The following JAKMIP3 variants were observed in gnomAD, a reference collection of about 807,000 sequenced individuals.
JAKMIP3 encodes the protein janus kinase and microtubule-interacting protein 3.
In JAKMIP3, 58 loss-of-function variants were observed where a neutral mutation model predicts 118.5. The observed-to-expected ratio is 0.49, with a 90% CI of 0.40 to 0.61. The LOEUF (loss-of-function observed/expected upper bound fraction) is 0.61, where lower values mean the gene tolerates loss of function less well. Ranked by LOEUF, JAKMIP3 falls within the 20% of genes least tolerant of loss-of-function variation. The pLI, the probability that JAKMIP3 is intolerant of heterozygous loss-of-function variation, is 0.00. For missense variants in JAKMIP3, 950 were observed against 1,109.0 expected, an observed-to-expected ratio of 0.86 and a Z score of 2.04; for synonymous variants, 486 against 451.2, an observed-to-expected ratio of 1.08 and a Z score of -0.98.
chr10:132,175,786 C>T (rs1249318694), intron 23 of JAKMIP3, among the ~76,000 whole-genome samples: 1 of 152,182 alleles, frequency 6.6e-6, no homozygotes, highest in African/African-American at 2.4e-5. Flanking sequence ...AGGATGTATC[C>T]ACAGTTCATG....
chr10:132,049,376 A>G lies in JAKMIP3; in HGVS notation c.-138+12638A>G, dbSNP rs904091775. Among the ~76,000 whole-genome samples the G allele has an allele frequency of 4.1e-4, 62 of 151,498 alleles. No individual in the cohort carries two copies. The highest frequency in any genetic ancestry group is 1.5e-3 in the African/African-American group (60 of 41,184). On this transcript the variant is annotated intron_variant, in intron 1 of 23. Coordinates refer to the JAKMIP3 transcript ENST00000657785. This position sits in a 1 kb window ranked among gnomAD's most constrained non-coding sequence, Gnocchi z 4.3. ...TTGCTGACCTGTTACTTTTCTCTTT[A>G]TGTCATTTTATTTTCTTGTTTCTCC...
rs1290985957 is a variant in JAKMIP3, at chr10:132,044,250, G to A, written c.-138+7512G>A. ...CCCTTAGCAAACATTTCCTAGACAC[G>A]TCTCCTGGTCCAGGCATCGTGGACC... On this transcript the variant is annotated intron_variant, in intron 1 of 23. Transcript: ENST00000657785. This position sits in a 1 kb window ranked among gnomAD's most constrained non-coding sequence, Gnocchi z 5.3. 6.6e-6 allele frequency among the ~76,000 whole-genome samples: 1 copy of A among 152,298 alleles called. No individual in the cohort carries two copies. The highest frequency in any genetic ancestry group is 1.9e-4 in the East Asian group (1 of 5,172).
chr10:132,124,414 C>T lies in JAKMIP3; in HGVS notation c.633+6840C>T, dbSNP rs1286186968. ...CGGCCACACCGCACACATCCATTGC[C>T]ATGCAGTCACCTGTCCCACCCTGGC... On this transcript the variant is annotated intron_variant, in intron 3 of 23. Coordinates refer to ENST00000684848, the MANE Select transcript of JAKMIP3 (RefSeq NM_001323087.2). Among the ~76,000 whole-genome samples, 20 of 151,148 alleles carry T rather than the reference C, an allele frequency of 1.3e-4. 2 individuals are homozygous for T. Among genetic ancestry groups the T allele is most frequent in the Admixed American group, 1.3e-3 (20 of 15,136 alleles).
intron 23 of JAKMIP3, among the ~76,000 whole-genome samples, chr10:132,169,655 G>A (rs1166445647): frequency 6.6e-6 from 1 of 151,864 alleles, no homozygotes; most frequent in African/African-American, 2.4e-5. Context: ...CGCCCAGGGA[G>A]CGCTCCATCT....
rs1306554243 is a variant in JAKMIP3 at position 132,112,823 on chromosome 10, C to T, written c.136-4254C>T. On this transcript the variant is annotated intron_variant, in intron 2 of 23. Coordinates refer to ENST00000684848, the MANE Select transcript of JAKMIP3 (RefSeq NM_001323087.2). The surrounding 1 kb of genome is among the most constrained non-coding windows in gnomAD (Gnocchi z 4.3). ...TGGACGCATCTGACTCTCCAGCCGC[C>T]GCTTCTTGGTCAGCCTGCCTCTGCC... is the stretch of plus-strand genomic sequence containing the variant. Among the ~76,000 whole-genome samples the T allele has an allele frequency of 6.6e-6, 1 of 152,176 alleles. No homozygotes were observed. The highest frequency in any genetic ancestry group is 1.5e-5 in the Non-Finnish European group (1 of 68,040).
In JAKMIP3 at chr10:132,049,642, G is replaced by A. The variant is rs1429684596; in HGVS notation, c.-138+12904G>A. Among the ~76,000 whole-genome samples, 1 of 151,870 alleles carries A rather than the reference G, an allele frequency of 6.6e-6. No individual in the cohort carries two copies. Among genetic ancestry groups the A allele is most frequent in the African/African-American group, 2.4e-5 (1 of 41,336 alleles). ...CTGTTTGGATGTACAGGTTTCTTCT[G>A]CCTTGTGTTTTTTCTTTTTTAAAAG... On this transcript the variant is annotated intron_variant, in intron 1 of 23. Coordinates refer to the JAKMIP3 transcript ENST00000657785. The surrounding 1 kb of genome is among the most constrained non-coding windows in gnomAD (Gnocchi z 4.3).
At chr10:132,064,087 C>T (rs1488463423), upstream of JAKMIP3, among the ~76,000 whole-genome samples, 1 of 152,106 alleles carries the variant, frequency 6.6e-6, no homozygotes, top group African/African-American at 2.4e-5. This position sits in a 1 kb window ranked among gnomAD's most constrained non-coding sequence, Gnocchi z 4.4. Context: ...TTTTAAATGG[C>T]CCCATTGTAT....
chr10:132,180,698 T>TGTGCGCGC lies in JAKMIP3; in HGVS notation c.*1104-1656_*1104-1655insCGCGCGTG, dbSNP rs1554963250. 2.6e-4 allele frequency among the ~76,000 whole-genome samples: 4 copies of TGTGCGCGC among 15,414 alleles called. No homozygotes were observed. In the South Asian group the frequency reaches 8.2e-3, roughly 32 times the overall value. 10.1% of individuals were successfully genotyped at this position (15,414 alleles called of 152,430 possible). On this transcript the variant is annotated intron_variant, in intron 23 of 23. Transcript: ENST00000684848. ...GTGCGCGCGCGTGTGTGTGCGTGCGTGTGTGTGTGCGCGTGTGTGTGCGTG... is the reference window on the plus strand; with the variant it reads ...GTGCGCGCGCGTGTGTGTGCGTGCGTGTGCGCGCGTGTGTGTGCGCGTGTGTGTGCGTG...
At chr10:132,138,001 C>G (rs1236689291) in intron 8 of JAKMIP3, 118 bp from the exon 9 acceptor site, 2 of 956,386 alleles carry the variant, frequency 2.1e-6, no homozygotes, top group African/African-American at 3.2e-5. Context: ...TGGGGACAAG[C>G]CAGCCCAGAC....
intron 1 of JAKMIP3, among the ~76,000 whole-genome samples, chr10:132,046,602 A>G (rs1183613265): frequency 1.3e-5 from 2 of 152,160 alleles, no homozygotes; most frequent in Non-Finnish European, 2.9e-5. Flanking sequence ...CGCATCCGCC[A>G]CGGCTTATTT....
intron 23 of JAKMIP3, among the ~76,000 whole-genome samples, chr10:132,169,401 C>T (rs765781434): frequency 4.6e-5 from 7 of 152,228 alleles, no homozygotes; most frequent in Non-Finnish European, 7.3e-5. Flanking sequence ...TGCACTTGAA[C>T]GTGGACGCCG....
chr10:132,135,906 A>ATCACATAGTGCGTTGTCTT, intron 5 of JAKMIP3, 24 bp from the exon 6 acceptor site: 1 of 1,603,686 alleles, frequency 6.2e-7, no homozygotes, highest in African/African-American at 1.3e-5. Flanking sequence ...TTAAAGAACA[A>ATCACATAGTGCGTTGTCTT]TCACATAGTG....
chr10:132,089,343 T>G (rs1323559992), intron 1 of JAKMIP3, among the ~76,000 whole-genome samples: 1 of 152,256 alleles, frequency 6.6e-6, no homozygotes, highest in Non-Finnish European at 1.5e-5. Context: ...TCCATGAGCA[T>G]GGAATGTTTT....
At chr10:132,106,564 C>T (rs763295413) in intron 2 of JAKMIP3, among the ~76,000 whole-genome samples, 61 of 152,140 alleles carry the variant, frequency 4.0e-4, no homozygotes, top group Non-Finnish European at 7.1e-4. Context: ...CGGGGAGTCT[C>T]GCTTCTCGGA....
chr10:132,128,319 T>C (rs2049989551), intron 3 of JAKMIP3, among the ~76,000 whole-genome samples: 1 of 152,234 alleles, frequency 6.6e-6, no homozygotes, highest in African/African-American at 2.4e-5. Flanking sequence ...TTTTTTCCTG[T>C]CTACTTTTAA....
chr10:132,168,131 CA>C lies in JAKMIP3; in HGVS notation c.*202del. ...GAGCTGCCGTCCACGTGGGATGTGC[CA>C]GAACTAGAACTGGCTCTGCCGACTT... On this transcript the variant is annotated 3_prime_UTR_variant, in exon 23 of 24. Transcript: ENST00000684848. The C allele has an allele frequency of 3.9e-6, 5 of 1,287,582 alleles. No homozygotes were observed. Among genetic ancestry groups the C allele is most frequent in the Non-Finnish European group, 5.1e-6 (5 of 987,670 alleles). The allele number at this position is 1,287,582 out of a possible 1,614,324, so 79.8% of individuals were successfully genotyped here.
At chr10:132,108,157 G>T (rs1222757409) in intron 2 of JAKMIP3, among the ~76,000 whole-genome samples, 1 of 152,218 alleles carries the variant, frequency 6.6e-6, no homozygotes, top group African/African-American at 2.4e-5. Flanking sequence ...TCTCATCTCT[G>T]CCAGGGGGTT....
intron 1 of JAKMIP3, among the ~76,000 whole-genome samples, chr10:132,070,036 G>T (rs1481341069): frequency 6.6e-6 from 1 of 152,176 alleles, no homozygotes; most frequent in African/African-American, 2.4e-5. Flanking sequence ...GCGGTGAGAG[G>T]TGCGGCTGCT....
rs115178505 is a variant in JAKMIP3 at position 132,073,196 on chromosome 10, T to C, written c.-138+7135T>C. ...TTGATCTTCTTTTCTTTTCTTTTCC[T>C]TTTTTCTGAGATGGTGTCTTGCTCT... On this transcript the variant is annotated intron_variant, in intron 1 of 23. Coordinates refer to ENST00000684848, the MANE Select transcript of JAKMIP3 (RefSeq NM_001323087.2). Among the ~76,000 whole-genome samples, 1,116 of 152,348 alleles carry C rather than the reference T, an allele frequency of 7.3e-3. 9 individuals are homozygous for C. The highest frequency in any genetic ancestry group is 0.026 in the African/African-American group (1,065 of 41,578).
Sources: gnomAD v4.1 joint callset for allele counts (sites outside exome capture counted in the v4.1 genomes callset) on GRCh38, gnomAD v4.1.1 for gene constraint, Gnocchi (gnomAD v3.1) non-coding constraint, MANE v1.5 for transcripts, NCBI Gene and HGNC (gene_info 2026-07-23, HGNC 2026-07-21) for gene names.